CDH2: variants seen among roughly 807,000 people sequenced by gnomAD.
The protein encoded by CDH2 is cadherin-2.
A neutral mutation model predicts 92.0 loss-of-function variants in CDH2; 17 were observed. The ratio of observed to expected loss-of-function variants is 0.18; its 90% CI spans 0.13 to 0.28. The LOEUF is 0.28. Ranked by LOEUF, CDH2 falls within the 10% of genes least tolerant of loss-of-function variation. The pLI, the probability that CDH2 is intolerant of heterozygous loss-of-function variation, is 1.00. For missense variants in CDH2, 862 were observed against 1,133.1 expected, an observed-to-expected ratio of 0.76 and a Z score of 3.44; for synonymous variants, 419 against 415.9, an observed-to-expected ratio of 1.01 and a Z score of -0.09.
chr18:28,095,187 A>G (rs931003921), intron 2 of CDH2, among the ~76,000 whole-genome samples: 1 of 152,136 alleles, frequency 6.6e-6, no homozygotes, highest in Non-Finnish European at 1.5e-5. Flanking sequence ...ATGTCCAATA[A>G]AGCTTCGGAG....
At chr18:28,117,637 G>T (rs1418300643) in intron 2 of CDH2, among the ~76,000 whole-genome samples, 1 of 152,132 alleles carries the variant, frequency 6.6e-6, no homozygotes, top group Non-Finnish European at 1.5e-5. Context: ...CCACTTTGCA[G>T]AAGGTGGCTC....
At chr18:28,048,466 C>T (rs1380070686) in intron 2 of CDH2, among the ~76,000 whole-genome samples, 3 of 152,050 alleles carry the variant, frequency 2.0e-5, no homozygotes, top group Admixed American at 1.3e-4. Flanking sequence ...CTCACAAGGG[C>T]GATAAATAAT....
At chr18:28,062,922 G>A (rs1025019956) in intron 2 of CDH2, among the ~76,000 whole-genome samples, 6 of 152,044 alleles carry the variant, frequency 3.9e-5, no homozygotes, top group Non-Finnish European at 4.4e-5. Flanking sequence ...GCAGAGAGCC[G>A]AGATCACGCC....
intron 2 of CDH2, among the ~76,000 whole-genome samples, chr18:28,140,940 G>A (rs1025039052): frequency 2.0e-5 from 3 of 149,502 alleles, no homozygotes; most frequent in African/African-American, 7.4e-5. Context: ...ATGAAATATC[G>A]TTAGTCATTA....
intron 2 of CDH2, among the ~76,000 whole-genome samples, chr18:28,022,538 A>G (rs372800071): frequency 3.9e-5 from 6 of 152,224 alleles, no homozygotes; most frequent in African/African-American, 1.4e-4. Flanking sequence ...TAGTGGGAGT[A>G]AAGGGCAGTA....
chr18:28,116,730 A>G (rs1228949839), intron 2 of CDH2, among the ~76,000 whole-genome samples: 2 of 152,154 alleles, frequency 1.3e-5, no homozygotes, highest in Non-Finnish European at 2.9e-5. Flanking sequence ...AGTGTAATAC[A>G]ATGAATGCTC....
At chr18:28,152,616 AAGGC>A (rs1273960912) in intron 1 of CDH2, among the ~76,000 whole-genome samples, 1 of 152,182 alleles carries the variant, frequency 6.6e-6, no homozygotes, top group Non-Finnish European at 1.5e-5. Flanking sequence ...TCCAAGAAGC[AAGGC>A]AGGATGTCAA....
intron 2 of CDH2, among the ~76,000 whole-genome samples, chr18:28,055,218 C>G (rs1007202561): frequency 1.3e-5 from 2 of 152,064 alleles, no homozygotes; most frequent in African/African-American, 2.4e-5. Flanking sequence ...TCAGATCTCA[C>G]GAGACTTACT....
At chr18:28,005,299 A>G (rs1122356) in intron 6 of CDH2, among the ~76,000 whole-genome samples, 40,186 of 152,048 alleles carry the variant, frequency 0.26, 5,517 homozygotes, top group South Asian at 0.38. Flanking sequence ...GAAGGGATAG[A>G]ACTGCAGGGG....
rs781533778 is a variant in CDH2, at chr18:28,013,703, A to G, written c.379T>C (p.Leu127=). 6.2e-7 allele frequency: 1 copy of G among 1,613,772 alleles called. No homozygotes were observed. Among genetic ancestry groups the G allele is most frequent in the South Asian group, 1.1e-5 (1 of 91,086 alleles). The change falls in exon 3 of 16, where the codon TTA becomes CTA. Residue 127 remains leucine (L), a synonymous_variant. Transcript: ENST00000269141. ...VAVKLSLKPT[L]TEESVKESAE... Reference sequence around the variant, plus strand: ...TATACCTTCACTGACTCCTCAGTTAAGGTTGGCTTCAGGCTCAATTTTACT... The same window carrying G: ...TATACCTTCACTGACTCCTCAGTTAGGGTTGGCTTCAGGCTCAATTTTACT...
intron 1 of CDH2, among the ~76,000 whole-genome samples, chr18:28,154,403 C>G (rs532628109): frequency 1.3e-5 from 2 of 152,210 alleles, no homozygotes; most frequent in Non-Finnish European, 1.5e-5. Context: ...TCTGTGCTCT[C>G]GCACAATCAG....
intron 2 of CDH2, among the ~76,000 whole-genome samples, chr18:28,047,235 C>A (rs2014094785): frequency 6.6e-6 from 1 of 151,866 alleles, no homozygotes; most frequent in African/African-American, 2.4e-5. Context: ...TGCTAGAAGC[C>A]AAAAAGAAAT....
intron 2 of CDH2, among the ~76,000 whole-genome samples, chr18:28,118,627 T>G (rs1294065792): frequency 1.3e-5 from 2 of 151,670 alleles, no homozygotes; most frequent in Non-Finnish European, 2.9e-5. Flanking sequence ...TGACTTTAGG[T>G]TGTGAGCAGT....
At chr18:28,125,192 A>G (rs944105120) in intron 2 of CDH2, among the ~76,000 whole-genome samples, 4 of 152,184 alleles carry the variant, frequency 2.6e-5, no homozygotes, top group African/African-American at 9.6e-5. Flanking sequence ...AATACATTCC[A>G]ATGAAACTCA....
intron 2 of CDH2, chr18:28,097,000 A>G (rs1202593340): frequency 6.6e-6 from 1 of 152,234 alleles, no homozygotes; most frequent in African/African-American, 2.4e-5. Context: ...TTCAATGTCT[A>G]GCACACATGC....
intron 2 of CDH2, chr18:28,045,707 T>C (rs2014061644): frequency 5.1e-6 from 1 of 195,764 alleles, no homozygotes; most frequent in Admixed American, 6.2e-5. Context: ...CTTTAAATGC[T>C]TCCATCACAG....
chr18:28,061,943 A>G (rs180803949), intron 2 of CDH2, among the ~76,000 whole-genome samples: 1 of 152,306 alleles, frequency 6.6e-6, no homozygotes, highest in Admixed American at 6.5e-5. Context: ...GGTTATGGGA[A>G]CTACAATTCA....
intron 2 of CDH2, among the ~76,000 whole-genome samples, chr18:28,054,902 C>G (rs1049578569): frequency 1.3e-5 from 2 of 152,126 alleles, no homozygotes. Flanking sequence ...TTATTTTCAG[C>G]TGGTTATTTC....
intron 1 of CDH2, chr18:28,168,600 T>C: frequency 2.2e-6 from 1 of 462,644 alleles, no homozygotes; most frequent in Non-Finnish European, 2.8e-6. Flanking sequence ...TTTTGAGTAC[T>C]TACCAGCATA....
Sources: gnomAD v4.1 joint callset for allele counts (sites outside exome capture counted in the v4.1 genomes callset) on GRCh38, gnomAD v4.1.1 for gene constraint, MANE v1.5 for transcripts, NCBI Gene and HGNC (gene_info 2026-07-23, HGNC 2026-07-21) for gene names.